The following CSMD1 variants were observed in gnomAD, a reference collection of about 807,000 sequenced individuals.
CSMD1 encodes the protein CUB and Sushi multiple domains 1.
In CSMD1, 213 loss-of-function variants were observed where a neutral mutation model predicts 417.5. The ratio of observed to expected loss-of-function variants is 0.51; its 90% CI spans 0.46 to 0.57. CSMD1 has a LOEUF of 0.57. Ranked by LOEUF, CSMD1 falls within the 20% of genes least tolerant of loss-of-function variation. The probability of loss-of-function intolerance (pLI) is 0.00; values close to 1 mark genes in which losing one functional copy is unlikely to be tolerated. For synonymous variants in CSMD1, 2,862 were observed against 1,736.8 expected (o/e 1.65, Z -16.11); for missense variants, 6,923 against 4,529.7 (o/e 1.53, Z -15.17).
rs539366075 is a variant in CSMD1, at chr8:4,870,964, G to A, written c.85+123368C>T. Among the ~76,000 whole-genome samples, 7 of 152,206 alleles carry A rather than the reference G, an allele frequency of 4.6e-5. No homozygotes were observed. In the South Asian group the frequency reaches 1.2e-3, roughly 27 times the overall value. The stretch of plus-strand genomic sequence containing the variant: ...GCCTCATTCAAATCCCCAGTGCTGA[G>A]AAGAGTCAGGGACTCAGGGGATGCC... On this transcript the variant is annotated intron_variant, in intron 1 of 69. Coordinates refer to ENST00000635120, the MANE Select transcript of CSMD1 (RefSeq NM_033225.6).
chr8:3,298,399 A>G (rs935514205), intron 25 of CSMD1, among the ~76,000 whole-genome samples: 5 of 152,184 alleles, frequency 3.3e-5, no homozygotes, highest in African/African-American at 4.8e-5. Context: ...AACGGTATCA[A>G]TGGGTGTGAA....
intron 3 of CSMD1, among the ~76,000 whole-genome samples, chr8:4,067,362 A>C (rs1374529251): frequency 6.6e-6 from 1 of 152,236 alleles, no homozygotes; most frequent in Non-Finnish European, 1.5e-5. Flanking sequence ...TTTTAAAGTG[A>C]TTCGGGAGTT....
At chr8:4,125,680 G>C (rs1282489399) in intron 3 of CSMD1, among the ~76,000 whole-genome samples, 1 of 152,158 alleles carries the variant, frequency 6.6e-6, no homozygotes, top group Non-Finnish European at 1.5e-5. Flanking sequence ...AGTTGTCCTT[G>C]TTCATTCCTG....
chr8:4,196,077 G>A (rs1259868634), intron 3 of CSMD1, among the ~76,000 whole-genome samples: 5 of 152,242 alleles, frequency 3.3e-5, no homozygotes, highest in South Asian at 2.1e-4. Flanking sequence ...CGGGCGTGGT[G>A]ACGGGCGCCT....
intron 42 of CSMD1, among the ~76,000 whole-genome samples, chr8:3,117,152 C>A (rs1816922655): frequency 6.6e-6 from 1 of 152,124 alleles, no homozygotes; most frequent in Non-Finnish European, 1.5e-5. Context: ...GGCACTGCAA[C>A]CTCAGCCTCC....
intron 2 of CSMD1, among the ~76,000 whole-genome samples, chr8:4,608,372 T>G (rs1289032230): frequency 1.3e-5 from 2 of 151,996 alleles, no homozygotes; most frequent in Admixed American, 6.6e-5. Context: ...CGGAACATGG[T>G]GGAGTGGCAG....
chr8:3,290,425 C>T (rs1223447937), intron 25 of CSMD1, among the ~76,000 whole-genome samples: 1 of 146,236 alleles, frequency 6.8e-6, no homozygotes, highest in Non-Finnish European at 1.5e-5. Context: ...GGCGGTATGG[C>T]CATTTTCACA....
chr8:3,979,863 T>A (rs968214219), intron 5 of CSMD1, among the ~76,000 whole-genome samples: 1 of 152,232 alleles, frequency 6.6e-6, no homozygotes, highest in Non-Finnish European at 1.5e-5. Flanking sequence ...GAGCTATTTA[T>A]ACTGTAGACA....
chr8:3,646,338 T>G (rs1047860485), intron 7 of CSMD1, among the ~76,000 whole-genome samples: 1 of 152,198 alleles, frequency 6.6e-6, no homozygotes, highest in African/African-American at 2.4e-5. Flanking sequence ...ATTAAAACAT[T>G]GAATATTTTT....
intron 3 of CSMD1, among the ~76,000 whole-genome samples, chr8:4,123,453 A>G (rs947252649): frequency 6.6e-6 from 1 of 152,222 alleles, no homozygotes; most frequent in African/African-American, 2.4e-5. Flanking sequence ...TAATGTTTAA[A>G]TATCATTATT....
intron 25 of CSMD1, among the ~76,000 whole-genome samples, chr8:3,291,929 T>G (rs941866887): frequency 6.6e-6 from 1 of 152,064 alleles, no homozygotes; most frequent in East Asian, 1.9e-4. Flanking sequence ...AGGGTGTCAA[T>G]TTTAGATCTT....
intron 3 of CSMD1, among the ~76,000 whole-genome samples, chr8:4,208,709 G>A (rs1219219984): frequency 1.3e-5 from 2 of 152,192 alleles, no homozygotes; most frequent in Admixed American, 6.5e-5. Context: ...TAAAAATATA[G>A]CAGAATTAAG....
chr8:3,709,707 T>TTTTTTTTTTTTTTTTTTTA, intron 6 of CSMD1, among the ~76,000 whole-genome samples: 1 of 142,080 alleles, frequency 7.0e-6, no homozygotes, highest in Non-Finnish European at 1.5e-5. Flanking sequence ...TTTTTTTTTT[T>TTTTTTTTTTTTTTTTTTTA]TTCCCTGCTT....
intron 3 of CSMD1, among the ~76,000 whole-genome samples, chr8:4,240,639 C>T (rs1035572029): frequency 6.6e-6 from 1 of 152,146 alleles, no homozygotes; most frequent in Non-Finnish European, 1.5e-5. Flanking sequence ...TTCCCAGTGC[C>T]TTTCAACAAG....
chr8:3,973,372 T>C (rs913530558), intron 5 of CSMD1, among the ~76,000 whole-genome samples: 2 of 152,184 alleles, frequency 1.3e-5, no homozygotes, highest in Non-Finnish European at 2.9e-5. Context: ...AATATTTAAC[T>C]TTCATGTATT....
intron 2 of CSMD1, among the ~76,000 whole-genome samples, chr8:4,427,626 T>C (rs961358224): frequency 6.6e-6 from 1 of 152,170 alleles, no homozygotes; most frequent in Admixed American, 6.6e-5. Context: ...GTAAATTCCA[T>C]GTAATAATTA....
chr8:4,961,768 G>A (rs1162737558), intron 1 of CSMD1, among the ~76,000 whole-genome samples: 1 of 151,862 alleles, frequency 6.6e-6, no homozygotes, highest in Non-Finnish European at 1.5e-5. Flanking sequence ...AGCAATTTCT[G>A]TCCATTTCTG....
intron 3 of CSMD1, among the ~76,000 whole-genome samples, chr8:4,190,956 G>C (rs374847033): frequency 1.3e-5 from 2 of 151,908 alleles, no homozygotes; most frequent in Admixed American, 6.6e-5. Context: ...TGGAGAGTGG[G>C]GGGGGCGGGG....
At chr8:3,039,332 TTTC>T (rs1810917440) in intron 50 of CSMD1, among the ~76,000 whole-genome samples, 2 of 150,374 alleles carry the variant, frequency 1.3e-5, no homozygotes, top group South Asian at 2.1e-4. Flanking sequence ...TTTTCCTTTC[TTTC>T]TTCCTTTCCG....
Sources: gnomAD v4.1 joint callset for allele counts (sites outside exome capture counted in the v4.1 genomes callset) on GRCh38, gnomAD v4.1.1 for gene constraint, MANE v1.5 for transcripts, NCBI Gene and HGNC (gene_info 2026-07-23, HGNC 2026-07-21) for gene names.